Variants in NEGR1 observed in about 807,000 individuals in gnomAD.
NEGR1 encodes the protein neuronal growth regulator 1.
A neutral mutation model predicts 40.9 loss-of-function variants in NEGR1; 10 were observed. The observed-to-expected ratio is 0.24, with a 90% CI of 0.15 to 0.42. The LOEUF (loss-of-function observed/expected upper bound fraction) is 0.42, where lower values mean the gene tolerates loss of function less well. Among genes scored for constraint, NEGR1 ranks in the 10% least tolerant of loss-of-function variants. NEGR1 has a pLI of 1.00. For synonymous variants in NEGR1, 185 were observed against 166.8 expected, an observed-to-expected ratio of 1.11 and a Z score of -0.84; for missense variants, 352 against 438.9, an observed-to-expected ratio of 0.80 and a Z score of 1.77.
chr1:71,431,830 T>C (rs1646471472), intron 6 of NEGR1, among the ~76,000 whole-genome samples: 1 of 152,188 alleles, frequency 6.6e-6, no homozygotes, highest in Non-Finnish European at 1.5e-5. Flanking sequence ...TAGAGACTTT[T>C]GCCTAGAGAT....
intron 2 of NEGR1, among the ~76,000 whole-genome samples, chr1:71,813,159 G>A (rs1353626522): frequency 1.3e-5 from 2 of 152,076 alleles, no homozygotes; most frequent in African/African-American, 2.4e-5. Context: ...TGGCTAGCCA[G>A]TTTTCCCAGC....
intron 4 of NEGR1, among the ~76,000 whole-genome samples, chr1:71,619,248 C>T (rs917122746): frequency 1.3e-5 from 2 of 152,034 alleles, no homozygotes; most frequent in Non-Finnish European, 2.9e-5. Flanking sequence ...TCACAGTGGG[C>T]TCTTTCTTAG....
chr1:71,548,139 A>G (rs563778325), intron 6 of NEGR1, among the ~76,000 whole-genome samples: 5 of 151,814 alleles, frequency 3.3e-5, no homozygotes, highest in African/African-American at 1.2e-4. Flanking sequence ...CACCTTGGTA[A>G]GCCACCGCTG....
chr1:71,618,162 C>T (rs909353566), intron 4 of NEGR1, among the ~76,000 whole-genome samples: 2 of 152,122 alleles, frequency 1.3e-5, no homozygotes, highest in African/African-American at 4.8e-5. Context: ...CTTATTTCTC[C>T]CAGCTGGTGC....
At chr1:71,667,471 C>A (rs759344679) in intron 4 of NEGR1, among the ~76,000 whole-genome samples, 1 of 152,102 alleles carries the variant, frequency 6.6e-6, no homozygotes, top group East Asian at 1.9e-4. Flanking sequence ...AGGGACAGAG[C>A]CCTGGGTGGG....
At chr1:71,700,033 C>A (rs549046857) in intron 3 of NEGR1, among the ~76,000 whole-genome samples, 1 of 151,666 alleles carries the variant, frequency 6.6e-6, no homozygotes, top group South Asian at 2.1e-4. Flanking sequence ...ATCAGCAGTG[C>A]GAAAGCGAAC....
chr1:71,688,255 T>C (rs7553341), intron 4 of NEGR1, among the ~76,000 whole-genome samples: 135,151 of 137,504 alleles, frequency 0.98, 66,464 homozygotes, highest in Middle Eastern at 1. Context: ...GACTTCGTAG[T>C]CACTGTGTTA....
At chr1:71,491,744 G>A (rs1260183669) in intron 6 of NEGR1, among the ~76,000 whole-genome samples, 2 of 152,038 alleles carry the variant, frequency 1.3e-5, no homozygotes, top group African/African-American at 2.4e-5. Context: ...AAAGGGCTAT[G>A]TCTTCAAAAT....
At chr1:72,105,930 A>T (rs1649116920) in intron 1 of NEGR1, among the ~76,000 whole-genome samples, 1 of 152,142 alleles carries the variant, frequency 6.6e-6, no homozygotes, top group South Asian at 2.1e-4. Flanking sequence ...TTAATGGAAA[A>T]CAAAATACAA....
chr1:72,181,895 G>A (rs1652390302), intron 1 of NEGR1, among the ~76,000 whole-genome samples: 1 of 152,070 alleles, frequency 6.6e-6, no homozygotes, highest in African/African-American at 2.4e-5. Context: ...AGGACAGAGG[G>A]GAGAAAATAA....
rs72680844 is a variant in NEGR1 at position 71,997,052 on chromosome 1, T to C, written c.177-61741A>G. 6.2e-3 allele frequency among the ~76,000 whole-genome samples: 951 copies of C among 152,198 alleles called. 6 individuals carry two copies. Among genetic ancestry groups the C allele is most frequent in the Non-Finnish European group, 0.011 (721 of 67,932 alleles). On this transcript the variant is annotated intron_variant, in intron 1 of 6. Transcript: ENST00000357731. Reference sequence around the variant, plus strand: ...AGATAATATAATTGCACAGTATTAATGTCACCTCTATTTGATGTGTTCCCA... The same window carrying C: ...AGATAATATAATTGCACAGTATTAACGTCACCTCTATTTGATGTGTTCCCA...
chr1:71,566,725 C>A (rs568894048), intron 6 of NEGR1, among the ~76,000 whole-genome samples: 1 of 152,142 alleles, frequency 6.6e-6, no homozygotes, highest in African/African-American at 2.4e-5. Flanking sequence ...AATACATGAG[C>A]AAAAAATAAC....
chr1:72,050,457 C>T (rs1647048755), intron 1 of NEGR1, among the ~76,000 whole-genome samples: 2 of 151,458 alleles, frequency 1.3e-5, no homozygotes, highest in East Asian at 3.9e-4. Flanking sequence ...ATTGCTGGGC[C>T]TATTAGCCGA....
chr1:72,084,995 A>C (rs1019191165), intron 1 of NEGR1, among the ~76,000 whole-genome samples: 1 of 152,210 alleles, frequency 6.6e-6, no homozygotes, highest in Admixed American at 6.5e-5. Flanking sequence ...AGATTTACAG[A>C]CAAAATGAAA....
chr1:72,256,106 ATC>A (rs1229709251), intron 1 of NEGR1, among the ~76,000 whole-genome samples: 1 of 152,354 alleles, frequency 6.6e-6, no homozygotes, highest in Admixed American at 6.5e-5. Flanking sequence ...AATACACAGC[ATC>A]TGTTTCCTTT....
chr1:71,579,040 A>T (rs996636247), intron 6 of NEGR1, among the ~76,000 whole-genome samples: 5 of 152,220 alleles, frequency 3.3e-5, no homozygotes, highest in Admixed American at 2.6e-4. Flanking sequence ...GCATTACAGT[A>T]TTCTGGTAAT....
chr1:72,098,802 T>C (rs1388547385), intron 1 of NEGR1, among the ~76,000 whole-genome samples: 1 of 152,132 alleles, frequency 6.6e-6, no homozygotes, highest in Non-Finnish European at 1.5e-5. Context: ...CAAGTAAATA[T>C]TACTGTTTTT....
chr1:71,634,844 T>C (rs1313486433), intron 4 of NEGR1, among the ~76,000 whole-genome samples: 1 of 152,114 alleles, frequency 6.6e-6, no homozygotes, highest in Non-Finnish European at 1.5e-5. Context: ...ATTAGAGTCC[T>C]TATTATTAAA....
intron 1 of NEGR1, among the ~76,000 whole-genome samples, chr1:72,167,895 A>T (rs1489488798): frequency 6.6e-6 from 1 of 152,030 alleles, no homozygotes; most frequent in African/African-American, 2.4e-5. Context: ...TCTCTAAAGC[A>T]TTAATTATTC....
Sources: allele counts gnomAD v4.1 joint callset (sites outside exome capture counted in the v4.1 genomes callset), GRCh38; gene constraint gnomAD v4.1.1; transcripts MANE v1.5; gene names NCBI Gene and HGNC (gene_info 2026-07-23, HGNC 2026-07-21).